VRK2: variants seen among roughly 807,000 people sequenced by gnomAD.
The protein encoded by VRK2 is serine/threonine-protein kinase VRK2.
A neutral mutation model predicts 57.6 loss-of-function variants in VRK2; 60 were observed. That is an observed-to-expected ratio of 1.04 (90% CI 0.85 to 1.29). The LOEUF (loss-of-function observed/expected upper bound fraction) is 1.29, where lower values mean the gene tolerates loss of function less well. Ranked by LOEUF, VRK2 falls within the 50% of genes most tolerant of loss-of-function variation. The pLI, the probability that VRK2 is intolerant of heterozygous loss-of-function variation, is 0.00. For missense variants in VRK2, 705 were observed against 588.1 expected (o/e 1.20, Z -2.06); for synonymous variants, 231 against 199.2 (o/e 1.16, Z -1.35).
chr2:58,153,627 G>A (rs988127366), intron 12 of VRK2, among the ~76,000 whole-genome samples: 2 of 152,032 alleles, frequency 1.3e-5, no homozygotes, highest in Non-Finnish European at 2.9e-5. Context: ...GTATTTTAAT[G>A]AGGAGTTTTA....
intron 2 of VRK2, among the ~76,000 whole-genome samples, chr2:58,083,268 GTGAACAAA>G (rs1268256367): frequency 9.9e-5 from 15 of 151,876 alleles, no homozygotes; most frequent in Non-Finnish European, 1.8e-4. Flanking sequence ...TGGATGGAGA[GTGAACAAA>G]TGAACAAATG....
chr2:58,131,270 CT>C (rs1318274553), intron 8 of VRK2, among the ~76,000 whole-genome samples: 1 of 149,904 alleles, frequency 6.7e-6, no homozygotes, highest in Non-Finnish European at 1.5e-5. Flanking sequence ...CAGAAAGACC[CT>C]TTTTTTAATA....
chr2:58,123,164 C>A lies in VRK2; in HGVS notation c.607C>A (p.Gln203Lys). The change falls in exon 8 of 13, where the codon CAG becomes AAG. Residue 203 changes from glutamine to lysine, a missense_variant. By Grantham distance (53) the Gln-to-Lys change is moderately conservative. Transcript: ENST00000340157. ...TCCCAATGGGAACCACAAACAGTAT[C>A]AGGAAAATCCTAGAAAAGGCCATAA... ...YCPNGNHKQY[Q>K]ENPRKGHNGT... is the part of the protein sequence containing the mutation. 1 of 1,595,948 alleles carries A rather than the reference C, an allele frequency of 6.3e-7. No homozygotes were observed. Among genetic ancestry groups the A allele is most frequent in the Non-Finnish European group, 8.5e-7 (1 of 1,174,948 alleles).
intron 7 of VRK2, among the ~76,000 whole-genome samples, chr2:58,096,824 A>G (rs79180331): frequency 0.021 from 3,177 of 151,466 alleles, 123 homozygotes; most frequent in African/African-American, 0.074. Context: ...AAGGCTATGA[A>G]TTTTCCTCCC....
intron 6 of VRK2, among the ~76,000 whole-genome samples, chr2:58,089,033 T>C (rs1007124155): frequency 6.6e-6 from 1 of 152,200 alleles, no homozygotes; most frequent in African/African-American, 2.4e-5. Context: ...TTATGCCAGA[T>C]TGGAATGCAG....
At chr2:58,131,051 C>T (rs555408279) in intron 8 of VRK2, among the ~76,000 whole-genome samples, 2 of 151,920 alleles carry the variant, frequency 1.3e-5, no homozygotes, top group African/African-American at 2.4e-5. Flanking sequence ...GTGCTTTTAA[C>T]GTACTTTTTA....
chr2:58,113,392 C>T (rs970810584), intron 7 of VRK2, among the ~76,000 whole-genome samples: 4 of 151,906 alleles, frequency 2.6e-5, no homozygotes, highest in Non-Finnish European at 5.9e-5. Context: ...CAGAGAGAGC[C>T]CCTCCTGCTG....
chr2:57,913,289 A>G (rs1390648753), intron 1 of VRK2, among the ~76,000 whole-genome samples: 3 of 152,176 alleles, frequency 2.0e-5, no homozygotes, highest in African/African-American at 4.8e-5. Flanking sequence ...AGACTTACCT[A>G]GTTGGTAATA....
intron 1 of VRK2, among the ~76,000 whole-genome samples, chr2:57,953,458 T>C (rs1671489343): frequency 6.6e-6 from 1 of 152,112 alleles, no homozygotes; most frequent in Non-Finnish European, 1.5e-5. Context: ...TTCCAGTAAT[T>C]AAAAAAGGGA....
chr2:58,040,642 G>A (rs2103719591), intron 3 of VRK2, among the ~76,000 whole-genome samples: 1 of 152,322 alleles, frequency 6.6e-6, no homozygotes, highest in South Asian at 2.1e-4. Context: ...GGTCCATTTT[G>A]ATGCCTTGCA....
At position 58,131,709 on chromosome 2, in the gene VRK2, CT is replaced by C. The variant is rs1000434224; in HGVS notation, c.677-94del. The stretch of plus-strand genomic sequence containing the variant: ...CAAATAAAACATTTTGCCTATTTGG[CT>C]TTTTCATATTTCATCAGTAGTAGTT... On this transcript the variant is annotated intron_variant, in intron 8 of 12. Coordinates refer to ENST00000340157, the MANE Select transcript of VRK2 (RefSeq NM_006296.7). 1.9e-5 allele frequency: 27 copies of C among 1,388,518 alleles called. No homozygotes were observed. The Admixed American group carries it at 7.2e-4, about 37-fold the overall frequency. 86.0% of individuals were successfully genotyped at this position (1,388,518 alleles called of 1,614,324 possible).
At chr2:57,951,589 C>T (rs1373606985) in intron 1 of VRK2, among the ~76,000 whole-genome samples, 1 of 152,172 alleles carries the variant, frequency 6.6e-6, no homozygotes, top group Non-Finnish European at 1.5e-5. Flanking sequence ...TCAATTGATG[C>T]TGCAAACTTT....
chr2:57,992,629 CG>C, intron 1 of VRK2, among the ~76,000 whole-genome samples: 1 of 152,048 alleles, frequency 6.6e-6, no homozygotes, highest in Non-Finnish European at 1.5e-5. Flanking sequence ...CTCCGCTTCC[CG>C]GGTTCACGCC....
intron 11 of VRK2, among the ~76,000 whole-genome samples, chr2:58,140,540 T>C (rs963983788): frequency 1.3e-5 from 2 of 152,014 alleles, no homozygotes; most frequent in African/African-American, 4.8e-5. Context: ...TCCTGATGCA[T>C]GTACAGTAAG....
chr2:58,006,498 G>T (rs151303582), intron 1 of VRK2, among the ~76,000 whole-genome samples: 2 of 152,146 alleles, frequency 1.3e-5, no homozygotes, highest in Admixed American at 1.3e-4. Flanking sequence ...GACCAATACT[G>T]TGAGGAAATA....
At chr2:58,007,505 A>G (rs1464258665) in intron 1 of VRK2, among the ~76,000 whole-genome samples, 1 of 151,998 alleles carries the variant, frequency 6.6e-6, no homozygotes, top group Non-Finnish European at 1.5e-5. Context: ...GCATATGACA[A>G]TCTACTTCCA....
intron 8 of VRK2, among the ~76,000 whole-genome samples, chr2:58,126,172 G>C (rs1678316648): frequency 6.6e-6 from 1 of 150,880 alleles, no homozygotes. Flanking sequence ...CTAGGATATA[G>C]AACTTCTAGG....
At chr2:58,086,565 G>A in intron 5 of VRK2, 139 bp downstream of exon 5, 1 of 643,026 alleles carries the variant, frequency 1.6e-6, no homozygotes, top group Non-Finnish European at 2.5e-6. Flanking sequence ...GTTTCTGTGA[G>A]TGAGGAGACT....
In VRK2 at chr2:58,048,845, G is replaced by C. The variant is rs149155455; in HGVS notation, c.14G>C (p.Arg5Thr). MPPK[R>T]NEKYKLPIPF... Reference sequence around the variant, plus strand: ...CCAACAGAAGTGATGCCACCAAAAAGAAATGAAAAATACAAACTTCCTATT... The same window carrying C: ...CCAACAGAAGTGATGCCACCAAAAACAAATGAAAAATACAAACTTCCTATT... Residue 5 changes from arginine (R) to threonine (T), a missense_variant, in exon 2 of 13, where the codon AGA (arginine) becomes ACA (threonine). Arg to Thr is a moderately conservative substitution (Grantham distance 71). Transcript: ENST00000340157. 3 of 1,613,626 alleles carry C rather than the reference G, an allele frequency of 1.9e-6. No homozygotes were observed. Among genetic ancestry groups the C allele is most frequent in the Admixed American group, 3.3e-5 (2 of 59,928 alleles).
Sources: allele counts gnomAD v4.1 joint callset (sites outside exome capture counted in the v4.1 genomes callset), GRCh38; gene constraint gnomAD v4.1.1; transcripts MANE v1.5; gene names NCBI Gene and HGNC (gene_info 2026-07-23, HGNC 2026-07-21).